Variants in ARVCF observed in about 807,000 individuals in gnomAD.
ARVCF encodes splicing regulator ARVCF.
A neutral mutation model predicts 90.9 loss-of-function variants in ARVCF; 66 were observed. The ratio of observed to expected loss-of-function variants is 0.73; its 90% confidence interval spans 0.60 to 0.89. The LOEUF is 0.89. Ranked by LOEUF, ARVCF falls within the 40% of genes least tolerant of loss-of-function variation. The pLI is 0.00. For missense variants in ARVCF, 1,469 were observed against 1,382.3 expected, an observed-to-expected ratio of 1.06 and a Z score of -1.00; for synonymous variants, 653 against 603.4, an observed-to-expected ratio of 1.08 and a Z score of -1.21.
In ARVCF at chr22:19,976,701, C is replaced by T; in HGVS notation, c.1888+5G>A. On this transcript the variant is annotated splice_donor_5th_base_variant and intron_variant, in intron 10 of 19. Transcript: ENST00000263207. Reference sequence around the variant, plus strand: ...GCCTGGAGAGCAGGATAAAAAGGGACTCACCTTGGTGGAACCACTCCTCTG... The same window carrying T: ...GCCTGGAGAGCAGGATAAAAAGGGATTCACCTTGGTGGAACCACTCCTCTG... The T allele has an allele frequency of 6.4e-7, 1 of 1,559,444 alleles. No homozygotes were observed. Among genetic ancestry groups the T allele is most frequent in the Non-Finnish European group, 8.7e-7 (1 of 1,151,394 alleles).
chr22:19,991,931 G>T (rs1454950631), intron 2 of ARVCF, among the ~76,000 whole-genome samples: 2 of 152,250 alleles, frequency 1.3e-5, no homozygotes, highest in African/African-American at 4.8e-5. Context: ...AACTCCGCTG[G>T]ATCCCTTGCC....
chr22:19,977,298 G>T, intron 9 of ARVCF, 117 bp downstream of exon 9: 1 of 1,341,544 alleles, frequency 7.5e-7, no homozygotes, highest in Non-Finnish European at 9.9e-7. Context: ...CCTGCCTGTT[G>T]GGGGCTGACC....
At chr22:19,986,567 TC>T (rs1308263076) in intron 3 of ARVCF, 1 of 152,978 alleles carries the variant, frequency 6.5e-6, no homozygotes, top group Non-Finnish European at 1.5e-5. Context: ...CTCCGGAAGC[TC>T]CTTTGCAGGT....
downstream of ARVCF, chr22:19,967,606 C>G (rs9332376): frequency 2.2e-4 from 76 of 349,248 alleles, no homozygotes; most frequent in African/African-American, 1.5e-3. Context: ...TGGGACTCTC[C>G]AGGCCCATCC....
At chr22:19,995,500 G>C (rs545995561) in intron 2 of ARVCF, among the ~76,000 whole-genome samples, 1 of 152,300 alleles carries the variant, frequency 6.6e-6, no homozygotes, top group South Asian at 2.1e-4. Flanking sequence ...AGCACACACT[G>C]TCAGGAACAC....
At chr22:19,990,458 T>C (rs1444748048) in intron 3 of ARVCF, 127 bp downstream of exon 3, 1 of 1,223,026 alleles carries the variant, frequency 8.2e-7, no homozygotes, top group African/African-American at 1.5e-5. Flanking sequence ...CCCATTTTCC[T>C]TTCCTCCCCA....
At chr22:20,000,570 G>A (rs750042535) in intron 2 of ARVCF, among the ~76,000 whole-genome samples, 4 of 152,222 alleles carry the variant, frequency 2.6e-5, no homozygotes, top group Non-Finnish European at 2.9e-5. Context: ...AAAGAGGTGG[G>A]AGAAGTGCTG....
rs1317521773 is a variant in ARVCF, at chr22:19,990,824, G to A, written c.-18-12C>T. On this transcript the variant is annotated splice_polypyrimidine_tract_variant and intron_variant, in intron 2 of 19. Coordinates refer to ENST00000263207, the MANE Select transcript of ARVCF (RefSeq NM_001670.3). ...AGAGCGCCCGCCAGCTGCAGGCAAA[G>A]CAGAGTAAGCTCAGTGGGGTGGGGC... 3 of 1,542,070 alleles carry A rather than the reference G, an allele frequency of 1.9e-6. No homozygotes were observed. The highest frequency in any genetic ancestry group is 2.5e-5 in the East Asian group (1 of 40,780).
At chr22:19,997,481 T>G (rs1457000422) in intron 2 of ARVCF, among the ~76,000 whole-genome samples, 2 of 152,044 alleles carry the variant, frequency 1.3e-5, no homozygotes, top group African/African-American at 2.4e-5. Context: ...TGAGGAGACA[T>G]GAGATGGGGT....
chr22:19,977,444 GCAT>G lies in ARVCF; in HGVS notation c.1838_1840del (p.Asp613del). The G allele has an allele frequency of 6.5e-7, 1 of 1,549,296 alleles. No homozygotes were observed. Among genetic ancestry groups the G allele is most frequent in the Non-Finnish European group, 8.7e-7 (1 of 1,146,888 alleles). ...GGCCTTCTTGCCTCCAAAGCAGCTG[GCAT>G]CATCCCGCCTCCGGCGCTGGGAGCC... On this transcript the variant is annotated inframe_deletion, in exon 9 of 20. Coordinates refer to ENST00000263207, the MANE Select transcript of ARVCF (RefSeq NM_001670.3).
intron 18 of ARVCF, 99 bp downstream of exon 18, chr22:19,971,787 A>G (rs1266489023): frequency 7.6e-7 from 1 of 1,312,202 alleles, no homozygotes; most frequent in Admixed American, 1.8e-5. Flanking sequence ...GCTGTACCCC[A>G]GGGCCCAGAC....
intron 7 of ARVCF, 139 bp from the exon 8 acceptor site, chr22:19,978,214 G>C (rs1943272761): frequency 1.4e-6 from 1 of 698,514 alleles, no homozygotes; most frequent in Non-Finnish European, 2.3e-6. Context: ...GGACCCCACA[G>C]TCTGGAGCTC....
intron 2 of ARVCF, among the ~76,000 whole-genome samples, chr22:20,000,820 T>C (rs147830295): frequency 2.0e-5 from 3 of 152,212 alleles, no homozygotes; most frequent in African/African-American, 7.2e-5. Context: ...CAGCGCCATC[T>C]ATCAATAGCC....
intron 13 of ARVCF, 45 bp downstream of exon 13, chr22:19,973,598 A>G (rs1215414460): frequency 1.3e-6 from 2 of 1,570,898 alleles, no homozygotes; most frequent in Non-Finnish European, 1.7e-6. Context: ...CCAAAGCTGC[A>G]GGCACAGTTC....
Position 19,977,360 on chromosome 22 carries a change from C to T in ARVCF, c.1870+55G>A. The T allele has an allele frequency of 2.7e-6, 4 of 1,464,492 alleles. No homozygotes were observed. In the Admixed American group the frequency reaches 1.0e-4, roughly 37 times the overall value. The allele number at this position is 1,464,492 out of a possible 1,614,324, so 90.7% of individuals were successfully genotyped here. A position where few individuals can be genotyped will look rare whatever the true frequency, so the allele number is the denominator to read the frequency against. ...CTGCTGTGGGTGTACAGAGAGCCTT[C>T]CGCTGGGGCAGGAGTTGAGATGGTA... On this transcript the variant is annotated intron_variant, in intron 9 of 19. Coordinates refer to ENST00000263207, the MANE Select transcript of ARVCF (RefSeq NM_001670.3).
At chr22:19,971,457 G>C (rs1445436261) in intron 18 of ARVCF, 122 bp from the exon 19 acceptor site, 10 of 1,253,468 alleles carry the variant, frequency 8.0e-6, no homozygotes, top group Middle Eastern at 5.0e-4. Context: ...GGACAGCACA[G>C]GTAGCACCAA....
At chr22:20,002,731 A>G (rs1944488812) in intron 2 of ARVCF, among the ~76,000 whole-genome samples, 1 of 152,210 alleles carries the variant, frequency 6.6e-6, no homozygotes, top group Non-Finnish European at 1.5e-5. Flanking sequence ...TGCCACCACC[A>G]CAAGTTTGTG....
chr22:19,978,673 C>T (rs915226793), intron 7 of ARVCF, among the ~76,000 whole-genome samples: 2 of 152,166 alleles, frequency 1.3e-5, no homozygotes, highest in Non-Finnish European at 2.9e-5. Context: ...GGCTACGGTA[C>T]CACAGAGACC....
intron 5 of ARVCF, chr22:19,980,460 C>A (rs1453891373): frequency 3.2e-6 from 2 of 617,966 alleles, no homozygotes; most frequent in Non-Finnish European, 4.9e-6. Context: ...CAGCCAGCGG[C>A]TACCAGGACC....
Sources: allele counts gnomAD v4.1 joint callset (sites outside exome capture counted in the v4.1 genomes callset), GRCh38; gene constraint gnomAD v4.1.1; transcripts MANE v1.5; gene names NCBI Gene and HGNC (gene_info 2026-07-23, HGNC 2026-07-21).